The following ATP11A variants were observed in gnomAD, a reference collection of about 807,000 sequenced individuals.
ATP11A encodes ATPase phospholipid transporting 11A.
ATP11A carries 81 observed loss-of-function variants against 154.4 expected under a neutral mutation model. The ratio of observed to expected loss-of-function variants is 0.52; its 90% CI spans 0.44 to 0.63. ATP11A has a LOEUF of 0.63. ATP11A is among the 30% of genes least tolerant of loss of function. The probability of loss-of-function intolerance (pLI) is 0.00; values close to 1 mark genes in which losing one functional copy is unlikely to be tolerated. For synonymous variants in ATP11A, 623 were observed against 585.9 expected (o/e 1.06, Z -0.91); for missense variants, 1,316 against 1,474.3 (o/e 0.89, Z 1.76).
At position 112,874,235 on chromosome 13, in the gene ATP11A, G is replaced by A. The variant is rs768741994; in HGVS notation, c.3161+559G>A. Among the ~76,000 whole-genome samples the A allele has an allele frequency of 1.4e-4, 22 of 152,158 alleles. 1 individual carries two copies. The highest frequency in any genetic ancestry group is 1.9e-4 in the Non-Finnish European group (13 of 68,034). ...GAGCAGCAGGCACGCAGGCCCGGGC[G>A]GGAGGAGGTCCTCCGTGAGTGGGAG... On this transcript the variant is annotated intron_variant, in intron 27 of 29. Transcript: ENST00000375645.
intron 1 of ATP11A, among the ~76,000 whole-genome samples, chr13:112,772,790 C>T (rs1276827106): frequency 6.6e-6 from 1 of 152,248 alleles, no homozygotes; most frequent in Non-Finnish European, 1.5e-5. Context: ...GGTCACCCCG[C>T]ATTTCCCTGG....
rs368849354 is a variant in ATP11A, at chr13:112,697,362, T to A, written c.39+6907T>A. Reference sequence around the variant, plus strand: ...GTCACCCGTGTGCCTAGAACGTTCCTGGCACAGAAAAGCCACGCAGAAAAC... The same window carrying A: ...GTCACCCGTGTGCCTAGAACGTTCCAGGCACAGAAAAGCCACGCAGAAAAC... On this transcript the variant is annotated intron_variant, in intron 1 of 29. Transcript: ENST00000375645. The surrounding 1 kb of genome is among the most constrained non-coding windows in gnomAD (Gnocchi z 4.0). Among the ~76,000 whole-genome samples the A allele has an allele frequency of 2.0e-5, 3 of 152,224 alleles. No homozygotes were observed. The highest frequency in any genetic ancestry group is 7.2e-5 in the African/African-American group (3 of 41,528).
At chr13:112,873,391 C>T (rs968902475) in intron 26 of ATP11A, 182 bp from the exon 27 acceptor site, 11 of 550,086 alleles carry the variant, frequency 2.0e-5, no homozygotes, top group African/African-American at 1.8e-4. Context: ...GCTTTGTCTT[C>T]CTGAGCGGTG....
intron 1 of ATP11A, among the ~76,000 whole-genome samples, chr13:112,773,620 G>A (rs1200671254): frequency 6.6e-6 from 1 of 152,226 alleles, no homozygotes; most frequent in Non-Finnish European, 1.5e-5. Context: ...AAGGCCCAGG[G>A]CTTTGTCTGC....
At chr13:112,854,618 C>G in intron 19 of ATP11A, 88 bp downstream of exon 19, 1 of 1,460,276 alleles carries the variant, frequency 6.8e-7, no homozygotes, top group Non-Finnish European at 9.2e-7. Flanking sequence ...CGGGGAGCCG[C>G]ATTGTCTCTA....
At chr13:112,861,166 A>G (rs1448863873) in intron 24 of ATP11A, among the ~76,000 whole-genome samples, 1 of 152,196 alleles carries the variant, frequency 6.6e-6, no homozygotes, top group Non-Finnish European at 1.5e-5. Context: ...CACTATTACG[A>G]GAACAACATG....
rs1268096067 is a variant in ATP11A at position 112,885,097 on chromosome 13, A to G, written c.*3231A>G. On this transcript the variant is annotated 3_prime_UTR_variant, in exon 30 of 30. Transcript: ENST00000375645. ...CACGCATACACACACACACGTGTAC[A>G]TGCACCAAAGCATGTGTGACCTACA... 2 of 152,280 alleles carry G rather than the reference A, an allele frequency of 1.3e-5. No homozygotes were observed. Among genetic ancestry groups the G allele is most frequent in the East Asian group, 1.9e-4 (1 of 5,198 alleles). The allele number at this position is 152,280 out of a possible 1,614,324, so 9.4% of individuals were successfully genotyped here.
rs1420298263 is a variant in ATP11A at position 112,697,956 on chromosome 13, G to A, written c.39+7501G>A. Reference sequence around the variant, plus strand: ...GAAACAACATGCCAACCTCTGGCATGCAGGACCTTTGCTTTCCAGGCAGGC... The same window carrying A: ...GAAACAACATGCCAACCTCTGGCATACAGGACCTTTGCTTTCCAGGCAGGC... On this transcript the variant is annotated intron_variant, in intron 1 of 29. Transcript: ENST00000375645. This position sits in a 1 kb window ranked among gnomAD's most constrained non-coding sequence, Gnocchi z 4.0. Among the ~76,000 whole-genome samples the A allele has an allele frequency of 1.3e-5, 2 of 152,120 alleles. No homozygotes were observed. The highest frequency in any genetic ancestry group is 2.4e-5 in the African/African-American group (1 of 41,414).
chr13:112,876,197 A>G (rs2080719471), intron 28 of ATP11A: 2 of 330,878 alleles, frequency 6.0e-6, no homozygotes, highest in Non-Finnish European at 1.1e-5. Context: ...GACTGATGCA[A>G]AAGGCAAATT....
intron 12 of ATP11A, among the ~76,000 whole-genome samples, chr13:112,828,553 G>A (rs1214937128): frequency 3.3e-5 from 5 of 150,572 alleles, no homozygotes; most frequent in East Asian, 2.0e-4. Context: ...GGGGGAAAGC[G>A]CCAAGAAGTG....
At chr13:112,747,133 G>A (rs563607310) in intron 1 of ATP11A, 62 of 152,246 alleles carry the variant, frequency 4.1e-4, no homozygotes, top group African/African-American at 1.2e-3. Flanking sequence ...CGTCTGCTCC[G>A]GAGGGATCGC....
chr13:112,829,833 T>G (rs1274949046), intron 12 of ATP11A, among the ~76,000 whole-genome samples: 1 of 152,230 alleles, frequency 6.6e-6, no homozygotes, highest in African/African-American at 2.4e-5. Context: ...ATCAACAAAT[T>G]CACTAAATTT....
At chr13:112,707,415 CAA>C (rs35020608) in intron 1 of ATP11A, among the ~76,000 whole-genome samples, 64 of 80,664 alleles carry the variant, frequency 7.9e-4, no homozygotes, top group East Asian at 1.8e-3. Flanking sequence ...AATTCTGTCT[CAA>C]AAAAAAAAAA....
chr13:112,878,300 C>G lies in ATP11A; in HGVS notation c.*6C>G. On this transcript the variant is annotated 3_prime_UTR_variant, in exon 29 of 30. Transcript: ENST00000375645. ...CCAGCAGCCTGAGTTTCTGATGGAA[C>G]AAGGTGATGCTCCTCTGCCTTCCAC... is the stretch of plus-strand genomic sequence containing the variant. 1 of 1,614,010 alleles carries G rather than the reference C, an allele frequency of 6.2e-7. No individual in the cohort carries two copies. Among genetic ancestry groups the G allele is most frequent in the Non-Finnish European group, 8.5e-7 (1 of 1,180,002 alleles).
At chr13:112,816,025 C>G in intron 5 of ATP11A, 58 bp from the exon 6 acceptor site, 2 of 1,607,536 alleles carry the variant, frequency 1.2e-6, no homozygotes, top group Non-Finnish European at 8.5e-7. Flanking sequence ...TCCCACAGGA[C>G]GGGCAAGCTT....
At chr13:112,872,950 G>A (rs868111828) in intron 26 of ATP11A, among the ~76,000 whole-genome samples, 2 of 145,800 alleles carry the variant, frequency 1.4e-5, no homozygotes, top group Admixed American at 6.7e-5. Flanking sequence ...CTTCCTGAGC[G>A]GTGTGAGGTG....
intron 26 of ATP11A, among the ~76,000 whole-genome samples, chr13:112,873,278 G>A (rs1336184632): frequency 1.3e-5 from 2 of 148,938 alleles, no homozygotes; most frequent in Admixed American, 6.6e-5. Context: ...CTTCCTGAGC[G>A]GTGTGAGGTG....
intron 28 of ATP11A, among the ~76,000 whole-genome samples, chr13:112,877,321 GC>G (rs2080758942): frequency 6.6e-6 from 1 of 152,228 alleles, no homozygotes; most frequent in South Asian, 2.1e-4. Flanking sequence ...CCTGCCTGTG[GC>G]CCGAGAAGCA....
At chr13:112,860,657 C>T (rs1188404552) in intron 24 of ATP11A, 2 of 430,184 alleles carry the variant, frequency 4.6e-6, no homozygotes, top group Non-Finnish European at 8.4e-6. Flanking sequence ...AGCCAGTTTG[C>T]ACTTTCCTGT....
Sources: gnomAD v4.1 joint callset for allele counts (sites outside exome capture counted in the v4.1 genomes callset) on GRCh38, gnomAD v4.1.1 for gene constraint, Gnocchi (gnomAD v3.1) non-coding constraint, MANE v1.5 for transcripts, NCBI Gene and HGNC (gene_info 2026-07-23, HGNC 2026-07-21) for gene names.